PPFIBP2: variants seen among roughly 807,000 people sequenced by gnomAD.
PPFIBP2 encodes the protein liprin-beta-2.
A neutral mutation model predicts 118.3 loss-of-function variants in PPFIBP2; 118 were observed. The ratio of observed to expected loss-of-function variants is 1.00; its 90% CI spans 0.86 to 1.16. PPFIBP2 has a LOEUF of 1.16. Ranked by LOEUF, PPFIBP2 falls within the 50% of genes most tolerant of loss-of-function variation. The probability of loss-of-function intolerance (pLI) is 0.00; values close to 1 mark genes in which losing one functional copy is unlikely to be tolerated. For synonymous variants in PPFIBP2, 414 were observed against 397.4 expected (o/e 1.04, Z -0.50); for missense variants, 1,195 against 1,073.1 (o/e 1.11, Z -1.59).
In PPFIBP2 at chr11:7,565,525, CTGAGTTTTCACCTCTCTCTCAT is replaced by C; in HGVS notation, c.65-25_65-4del. On this transcript the variant is annotated splice_polypyrimidine_tract_variant and splice_region_variant and intron_variant, in intron 2 of 23. Coordinates refer to ENST00000299492, the MANE Select transcript of PPFIBP2 (RefSeq NM_003621.5). ...TTGCTCAGGGTGTCCACCCTTCTTA[CTGAGTTTTCACCTCTCTCTCAT>C]TGCAGGCACTAAAACAGGTGCAGAT... The C allele has an allele frequency of 6.2e-7, 1 of 1,612,158 alleles. No homozygotes were observed.
At chr11:7,556,217 A>T (rs1853602266) in intron 2 of PPFIBP2, among the ~76,000 whole-genome samples, 1 of 152,204 alleles carries the variant, frequency 6.6e-6, no homozygotes, top group Non-Finnish European at 1.5e-5. Context: ...GCACTTTGGG[A>T]GGCCGAGGCG....
chr11:7,621,205 A>C (rs968076743), intron 7 of PPFIBP2, among the ~76,000 whole-genome samples, 178 bp downstream of exon 7: 2 of 152,130 alleles, frequency 1.3e-5, no homozygotes, highest in African/African-American at 4.8e-5. Context: ...AAAGATCCTC[A>C]TGGAGAATGC....
intron 16 of PPFIBP2, 170 bp from the exon 17 acceptor site, chr11:7,642,127 TG>T: frequency 1.4e-6 from 1 of 733,902 alleles, no homozygotes; most frequent in Non-Finnish European, 2.1e-6. Flanking sequence ...GGCTTGAGTC[TG>T]GCCAAGGAGC....
At chr11:7,572,080 T>C (rs1280793637) in intron 3 of PPFIBP2, 2 of 152,162 alleles carry the variant, frequency 1.3e-5, no homozygotes, top group Non-Finnish European at 2.9e-5. Flanking sequence ...CTCCACTGTT[T>C]AGGGTGGGGG....
chr11:7,651,693 T>A lies in PPFIBP2; in HGVS notation c.2285T>A (p.Met762Lys). 1 of 1,613,440 alleles carries A rather than the reference T, an allele frequency of 6.2e-7. No homozygotes were observed. The highest frequency in any genetic ancestry group is 8.5e-7 in the Non-Finnish European group (1 of 1,179,416). ...EPRFTGDTLA[M>K]LLNIPPQKTL... ...CGCTTCACTGGGGACACCCTGGCTA[T>A]GCTTCTCAACATCCCCCCACAAAAG... The change falls in exon 23 of 24, where the codon ATG (methionine) becomes AAG (lysine). Residue 762 changes from methionine to lysine, a missense_variant. Met to Lys is a moderately conservative substitution (Grantham distance 95, BLOSUM62 -1). Coordinates refer to ENST00000299492, the MANE Select transcript of PPFIBP2 (RefSeq NM_003621.5).
chr11:7,600,841 C>T (rs57740358), intron 5 of PPFIBP2, among the ~76,000 whole-genome samples: 14,212 of 152,224 alleles, frequency 0.093, 1,119 homozygotes, highest in African/African-American at 0.19. Flanking sequence ...AAATCCAGAT[C>T]TAAAGAGTTA....
At chr11:7,563,982 A>C (rs1016181336) in intron 2 of PPFIBP2, among the ~76,000 whole-genome samples, 1 of 152,074 alleles carries the variant, frequency 6.6e-6, no homozygotes, top group African/African-American at 2.4e-5. Context: ...TGGCTAACAC[A>C]GTGAAACCCC....
At chr11:7,547,652 C>T (rs1590194140) in intron 1 of PPFIBP2, among the ~76,000 whole-genome samples, 1 of 152,088 alleles carries the variant, frequency 6.6e-6, no homozygotes, top group Admixed American at 6.5e-5. Context: ...CTGCTCCTCT[C>T]ACCTCGGAGC....
chr11:7,620,458 G>A (rs557696032), intron 6 of PPFIBP2, among the ~76,000 whole-genome samples: 11 of 152,214 alleles, frequency 7.2e-5, no homozygotes, highest in Middle Eastern at 3.4e-3. Flanking sequence ...TGTTCCCTTA[G>A]GGTTCCTCTA....
chr11:7,624,357 G>A (rs375550900), intron 7 of PPFIBP2, among the ~76,000 whole-genome samples: 1 of 152,224 alleles, frequency 6.6e-6, no homozygotes, highest in African/African-American at 2.4e-5. Context: ...TGCTTGTGAG[G>A]ATTTGATGTA....
chr11:7,653,114 G>A lies in PPFIBP2; in HGVS notation c.2527G>A (p.Asp843Asn), dbSNP rs1854303050. 4 of 1,614,250 alleles carry A rather than the reference G, an allele frequency of 2.5e-6. No homozygotes were observed. The highest frequency in any genetic ancestry group is 3.4e-6 in the Non-Finnish European group (4 of 1,180,036). Residue 843 changes from aspartate (D) to asparagine (N), a missense_variant, in exon 24 of 24, where the codon GAC becomes AAC. Transcript: ENST00000299492. ...CTACATTTGCCCAATGGAGCCCAGT[G>A]ACGGTGTCAGTGATAGTCACAGGGT... ...TDYICPMEPS[D>N]GVSDSHRVYS...
rs116543556 is a variant in PPFIBP2, at chr11:7,574,873, G to A, written c.279+9106G>A. Among the ~76,000 whole-genome samples the A allele has an allele frequency of 3.0e-3, 459 of 152,274 alleles. 4 individuals are homozygous for A. Among genetic ancestry groups the A allele is most frequent in the African/African-American group, 0.01 (428 of 41,538 alleles). On this transcript the variant is annotated intron_variant, in intron 3 of 23. Transcript: ENST00000299492. ...ATTACAACGTAAGTAAAATGTACTTGGTGTTTAAGGAAAAACAAGGCTGAG... is the reference window on the plus strand; with the variant it reads ...ATTACAACGTAAGTAAAATGTACTTAGTGTTTAAGGAAAAACAAGGCTGAG...
chr11:7,597,366 CT>C (rs1419247538), intron 4 of PPFIBP2, 193 bp from the exon 5 acceptor site: 1 of 1,535,948 alleles, frequency 6.5e-7, no homozygotes, highest in African/African-American at 1.4e-5. Flanking sequence ...CCGAGACTCC[CT>C]GGTAAGGTAA....
chr11:7,540,002 A>G (rs1229686101), intron 1 of PPFIBP2, among the ~76,000 whole-genome samples: 4 of 106,364 alleles, frequency 3.8e-5, no homozygotes, highest in South Asian at 5.9e-4. Context: ...AATGAGGTTC[A>G]TTAATGTTAA....
At chr11:7,653,943 G>T (rs1453726599), downstream of PPFIBP2, among the ~76,000 whole-genome samples, 1 of 152,174 alleles carries the variant, frequency 6.6e-6, no homozygotes, top group African/African-American at 2.4e-5. Flanking sequence ...CTTCAGAGGA[G>T]GTCCGTGGCC....
In PPFIBP2 at chr11:7,531,785, A is replaced by T. The variant is rs979378154; in HGVS notation, c.-36-17655A>T. Among the ~76,000 whole-genome samples the T allele has an allele frequency of 5.9e-5, 9 of 152,228 alleles. No homozygotes were observed. The South Asian group carries it at 8.3e-4, about 14-fold the overall frequency. On this transcript the variant is annotated intron_variant, in intron 1 of 23. Transcript: ENST00000299492. ...AGAACTCTAAGATCAGGGTGTTGGC[A>T]GGGTTGGTTTCTTTTGGGGCCTCTC...
intron 5 of PPFIBP2, chr11:7,605,699 A>G (rs1847255793): frequency 7.5e-7 from 1 of 1,326,440 alleles, no homozygotes; most frequent in African/African-American, 1.5e-5. Flanking sequence ...AAGTTGATAA[A>G]CCAGGAAAAT....
intron 3 of PPFIBP2, among the ~76,000 whole-genome samples, chr11:7,586,438 A>G (rs1858195923): frequency 6.6e-6 from 1 of 152,220 alleles, no homozygotes; most frequent in Non-Finnish European, 1.5e-5. Flanking sequence ...AATCATTTCC[A>G]TATTCCTATG....
rs1277863857 is a variant in PPFIBP2, at chr11:7,632,866, G to T, written c.1069-1G>T. On this transcript the variant is annotated splice_acceptor_variant, in intron 11 of 23. Transcript: ENST00000299492. LOFTEE classifies it high-confidence loss of function. ...CCGTGACTCTTCTGTCTCTGGTGCAGATGCCTCCAAGATGTAGCTCTCCTA... is the reference window on the plus strand; with the variant it reads ...CCGTGACTCTTCTGTCTCTGGTGCATATGCCTCCAAGATGTAGCTCTCCTA... The T allele has an allele frequency of 1.9e-6, 3 of 1,612,872 alleles. No individual in the cohort carries two copies. The highest frequency in any genetic ancestry group is 2.5e-6 in the Non-Finnish European group (3 of 1,179,014).
Sources: gnomAD v4.1 joint callset for allele counts (sites outside exome capture counted in the v4.1 genomes callset) on GRCh38, gnomAD v4.1.1 for gene constraint, MANE v1.5 for transcripts, NCBI Gene and HGNC (gene_info 2026-07-23, HGNC 2026-07-21) for gene names.